The following FMO1 variants were observed in gnomAD, a reference collection of about 807,000 sequenced individuals.
The protein encoded by FMO1 is flavin-containing monooxygenase 1.
FMO1 carries 36 observed loss-of-function variants against 45.4 expected under a neutral mutation model. The ratio of observed to expected loss-of-function variants is 0.79; its 90% CI spans 0.61 to 1.05. FMO1 has a LOEUF of 1.05. FMO1 is among the 50% of genes least tolerant of loss of function. The probability of loss-of-function intolerance (pLI) is 0.00; values close to 1 mark genes in which losing one functional copy is unlikely to be tolerated. For missense variants in FMO1, 615 were observed against 640.3 expected (o/e 0.96, Z 0.43); for synonymous variants, 228 against 227.2 (o/e 1.00, Z -0.03).
At chr1:171,271,753 A>G (rs779397085) in intron 3 of FMO1, 2 of 469,814 alleles carry the variant, frequency 4.3e-6, no homozygotes, top group Non-Finnish European at 7.5e-6. Flanking sequence ...GATTTAGGGT[A>G]TCTGGCAGAA....
At chr1:171,259,580 T>C (rs377418978) in intron 2 of FMO1, among the ~76,000 whole-genome samples, 30 of 152,114 alleles carry the variant, frequency 2.0e-4, no homozygotes, top group African/African-American at 7.2e-4. Context: ...GGGTCAGGAG[T>C]TGGCTTGAAA....
chr1:171,277,324 C>T (rs1661149957), intron 4 of FMO1, among the ~76,000 whole-genome samples: 3 of 152,044 alleles, frequency 2.0e-5, no homozygotes, highest in Non-Finnish European at 2.9e-5. Flanking sequence ...ACTAAAAAGT[C>T]GTAGTAAAAA....
chr1:171,276,422 T>C (rs565831858), intron 4 of FMO1, among the ~76,000 whole-genome samples: 3 of 152,344 alleles, frequency 2.0e-5, no homozygotes, highest in African/African-American at 7.2e-5. Flanking sequence ...AGAGGCTCCA[T>C]AGCCTCTTCT....
chr1:171,248,798 A>G (rs1206456145), intron 1 of FMO1, among the ~76,000 whole-genome samples, 175 bp downstream of exon 1: 1 of 151,690 alleles, frequency 6.6e-6, no homozygotes, highest in Non-Finnish European at 1.5e-5. Context: ...GGAGTAGTAA[A>G]TGTTTGGATA....
At chr1:171,283,943 T>C (rs1247558737) in intron 8 of FMO1, among the ~76,000 whole-genome samples, 3 of 152,124 alleles carry the variant, frequency 2.0e-5, no homozygotes, top group Non-Finnish European at 2.9e-5. Context: ...ATTGAGCACT[T>C]CTCTATGGGA....
intron 3 of FMO1, among the ~76,000 whole-genome samples, chr1:171,269,549 A>T (rs1660763222): frequency 6.6e-6 from 1 of 152,228 alleles, no homozygotes; most frequent in Admixed American, 6.5e-5. Flanking sequence ...GCAAATGGAA[A>T]GAATCCAAGT....
At chr1:171,253,888 C>T (rs2101790833) in intron 1 of FMO1, 1 of 152,132 alleles carries the variant, frequency 6.6e-6, no homozygotes, top group South Asian at 2.1e-4. Flanking sequence ...GGATGTTTAA[C>T]AAAAAGTTGT....
At position 171,282,076 on chromosome 1, in the gene FMO1, A is replaced by T. The variant is rs779522621; in HGVS notation, c.926A>T (p.Asn309Ile). 6.2e-7 allele frequency: 1 copy of T among 1,613,540 alleles called. No individual in the cohort carries two copies. Among genetic ancestry groups the T allele is most frequent in the African/African-American group, 1.3e-5 (1 of 74,830 alleles). Residue 309 changes from asparagine to isoleucine, a missense_variant, in exon 7 of 9, where the codon AAC becomes ATC. By Grantham distance (149) the Asn-to-Ile change is moderately radical. Coordinates refer to ENST00000617670, the MANE Select transcript of FMO1 (RefSeq NM_001282693.2). ...IRPSIKEVKE[N>I]SVIFNNTSKE... ...CCAAGCATAAAAGAGGTAAAGGAAA[A>T]CTCTGTCATATTTAACAATACTTCA...
rs764099049 is a variant in FMO1 at position 171,267,618 on chromosome 1, T to C, written c.208T>C (p.Ser70Pro). 1.3e-5 allele frequency: 21 copies of C among 1,613,826 alleles called. No individual in the cohort carries two copies. The East Asian group carries it at 4.5e-4, about 34-fold the overall frequency. ...CAGCTGCAAGGAGATGTCTTGTTAC[T>C]CAGACTTTCCATTCCCAGAAGATTA... ...SNSCKEMSCY[S>P]DFPFPEDYPN... Residue 70 changes from serine (S) to proline (P), a missense_variant, in exon 3 of 9, where the codon TCA becomes CCA. Coordinates refer to ENST00000617670, the MANE Select transcript of FMO1 (RefSeq NM_001282693.2).
At chr1:171,257,972 A>G (rs917209613) in intron 1 of FMO1, 110 bp from the exon 2 acceptor site, 2 of 1,276,270 alleles carry the variant, frequency 1.6e-6, no homozygotes, top group African/African-American at 3.0e-5. Context: ...CAGAAGATTC[A>G]AACTGAGCAA....
chr1:171,276,456 T>C (rs931009502), intron 4 of FMO1, among the ~76,000 whole-genome samples: 4 of 152,206 alleles, frequency 2.6e-5, no homozygotes, highest in Non-Finnish European at 5.9e-5. Context: ...CAATGGAATC[T>C]CATCATCACA....
At chr1:171,249,087 T>C (rs1659762055) in intron 1 of FMO1, among the ~76,000 whole-genome samples, 1 of 151,962 alleles carries the variant, frequency 6.6e-6, no homozygotes, top group South Asian at 2.1e-4. Context: ...GGCAAGCCCC[T>C]TTAGAATTTG....
At position 171,258,113 on chromosome 1, in the gene FMO1, G is replaced by C. The variant is rs138644882; in HGVS notation, c.26G>C (p.Gly9Ala). The C allele has an allele frequency of 8.7e-6, 14 of 1,614,044 alleles. No individual in the cohort carries two copies. The highest frequency in any genetic ancestry group is 1.2e-5 in the Non-Finnish European group (14 of 1,180,032). MAKRVAIVGAGVSGLASIK... is the reference protein window; with the variant it reads MAKRVAIVAAGVSGLASIK... ...ATGGCCAAGCGAGTTGCCATTGTGG[G>C]AGCTGGGGTCAGCGGCCTGGCCTCC... The change falls in exon 2 of 9, where the codon GGA becomes GCA. Residue 9 changes from glycine to alanine, a missense_variant. By Grantham distance (60) the Gly-to-Ala change is moderately conservative. Transcript: ENST00000617670.
In FMO1 at chr1:171,282,175, T is replaced by C. The variant is rs2101843890; in HGVS notation, c.1025T>C (p.Val342Ala). The C allele has an allele frequency of 1.2e-6, 2 of 1,614,014 alleles. No individual in the cohort carries two copies. Among genetic ancestry groups the C allele is most frequent in the East Asian group, 4.5e-5 (2 of 44,882 alleles). Residue 342 changes from valine to alanine, a missense_variant, in exon 7 of 9, where the codon GTA becomes GCA. Coordinates refer to ENST00000617670, the MANE Select transcript of FMO1 (RefSeq NM_001282693.2). ...GCTTTCCCCTTCCTTGATGAGTCTG[T>C]AGTGAAAGTTGAAGATGGCCAGGCC... ...TFAFPFLDES[V>A]VKVEDGQASL...
chr1:171,260,501 G>A (rs1660330935), intron 2 of FMO1, among the ~76,000 whole-genome samples: 1 of 152,052 alleles, frequency 6.6e-6, no homozygotes, highest in Non-Finnish European at 1.5e-5. Flanking sequence ...GGTGAACATG[G>A]AAGAGAAATT....
At position 171,285,614 on chromosome 1, in the gene FMO1, T is replaced by G; in HGVS notation, c.*70T>G. ...TGCTCCAATTCCTCTCTTACAGCAA[T>G]ATTGCCTTCACAGTTATAAACTGTA... On this transcript the variant is annotated 3_prime_UTR_variant, in exon 9 of 9. Coordinates refer to ENST00000617670, the MANE Select transcript of FMO1 (RefSeq NM_001282693.2). 1 of 967,242 alleles carries G rather than the reference T, an allele frequency of 1.0e-6. No individual in the cohort carries two copies. Among genetic ancestry groups the G allele is most frequent in the Non-Finnish European group, 1.5e-6 (1 of 656,800 alleles). 59.9% of individuals were successfully genotyped at this position (967,242 alleles called of 1,614,324 possible).
intron 1 of FMO1, chr1:171,251,664 C>G (rs1659900595): frequency 6.7e-6 from 1 of 149,924 alleles, no homozygotes; most frequent in Non-Finnish European, 1.5e-5. Flanking sequence ...CCCTTGCAGA[C>G]CCCTGACCCA....
chr1:171,274,342 C>T (rs946532509), intron 3 of FMO1, among the ~76,000 whole-genome samples: 2 of 151,636 alleles, frequency 1.3e-5, no homozygotes, highest in African/African-American at 2.4e-5. Flanking sequence ...CTCACTGAAG[C>T]CTTGACTTCC....
At chr1:171,264,795 A>G (rs1459886659) in intron 2 of FMO1, among the ~76,000 whole-genome samples, 8 of 152,140 alleles carry the variant, frequency 5.3e-5, no homozygotes, top group African/African-American at 1.9e-4. Flanking sequence ...ACTACTCGGG[A>G]GGCCGAGGCA....
Sources: allele counts gnomAD v4.1 joint callset (sites outside exome capture counted in the v4.1 genomes callset), GRCh38; gene constraint gnomAD v4.1.1; transcripts MANE v1.5; gene names NCBI Gene and HGNC (gene_info 2026-07-23, HGNC 2026-07-21).